TOPAZ1: variants seen among roughly 807,000 people sequenced by gnomAD.
The protein encoded by TOPAZ1 is protein TOPAZ1.
TOPAZ1 carries 66 observed loss-of-function variants against 172.2 expected under a neutral mutation model. That is an observed-to-expected ratio of 0.38 (90% CI 0.31 to 0.47). The LOEUF (loss-of-function observed/expected upper bound fraction) is 0.47. TOPAZ1 is among the 20% of genes least tolerant of loss of function. The pLI is 0.99. For missense variants in TOPAZ1, 1,822 were observed against 1,972.4 expected (o/e 0.92, Z 1.44); for synonymous variants, 681 against 683.9 (o/e 1.00, Z 0.07).
chr3:44,302,641 G>C (rs563964278), intron 12 of TOPAZ1, among the ~76,000 whole-genome samples: 2 of 152,032 alleles, frequency 1.3e-5, no homozygotes, highest in Non-Finnish European at 2.9e-5. Context: ...TAGTTTTTCA[G>C]TGTTTTCCTG....
chr3:44,310,074 T>G (rs1430729862), intron 16 of TOPAZ1, 84 bp downstream of exon 16: 2 of 1,259,432 alleles, frequency 1.6e-6, no homozygotes, highest in East Asian at 2.5e-5. Flanking sequence ...AAGTTGATAT[T>G]GAACTGTGGT....
chr3:44,254,957 C>T lies in TOPAZ1; in HGVS notation c.2766-11C>T, dbSNP rs1699679384. On this transcript the variant is annotated splice_polypyrimidine_tract_variant and intron_variant, in intron 2 of 19. Transcript: ENST00000309765. ...TATTATAATGTTTAAGCTCTGTTTGCTTTATAATAGAGAACTTCCTGTACT... is the reference window on the plus strand; with the variant it reads ...TATTATAATGTTTAAGCTCTGTTTGTTTTATAATAGAGAACTTCCTGTACT... The T allele has an allele frequency of 6.5e-7, 1 of 1,544,928 alleles. No homozygotes were observed. The highest frequency in any genetic ancestry group is 1.4e-5 in the African/African-American group (1 of 73,028).
chr3:44,251,886 T>C (rs1699636394), intron 2 of TOPAZ1, among the ~76,000 whole-genome samples: 1 of 152,176 alleles, frequency 6.6e-6, no homozygotes, highest in South Asian at 2.1e-4. Context: ...ATTTCACCAA[T>C]TCAGAACTGT....
chr3:44,328,684 G>C (rs1340011806), intron 19 of TOPAZ1, among the ~76,000 whole-genome samples: 1 of 152,148 alleles, frequency 6.6e-6, no homozygotes, highest in East Asian at 1.9e-4. Context: ...CAGAGATATA[G>C]TTAGATGTTC....
chr3:44,292,916 T>C (rs944774315), intron 12 of TOPAZ1, among the ~76,000 whole-genome samples: 1 of 152,202 alleles, frequency 6.6e-6, no homozygotes, highest in African/African-American at 2.4e-5. Context: ...TATTTTACAG[T>C]ATATAACTTT....
intron 16 of TOPAZ1, among the ~76,000 whole-genome samples, chr3:44,316,796 CA>C (rs1164054383): frequency 1.3e-5 from 2 of 152,064 alleles, no homozygotes; most frequent in African/African-American, 4.8e-5. Flanking sequence ...TTTATTTCCC[CA>C]AAATGTTTTC....
chr3:44,271,214 T>C (rs982687227), intron 8 of TOPAZ1, among the ~76,000 whole-genome samples: 12 of 152,206 alleles, frequency 7.9e-5, no homozygotes, highest in Non-Finnish European at 4.4e-5. Context: ...TCAGCCCTAG[T>C]AGATAACAGC....
chr3:44,297,015 T>C (rs1700206657), intron 12 of TOPAZ1, among the ~76,000 whole-genome samples: 1 of 151,366 alleles, frequency 6.6e-6, no homozygotes, highest in African/African-American at 2.4e-5. Context: ...CTACTAAAAA[T>C]ACAAAATTAG....
intron 13 of TOPAZ1, 38 bp downstream of exon 13, chr3:44,304,119 T>A: frequency 8.1e-7 from 1 of 1,232,236 alleles, no homozygotes; most frequent in South Asian, 1.5e-5. Context: ...TGCTGGGATC[T>A]CTGAAAATCA....
chr3:44,257,409 CTATTTTATATATT>C (rs1699723424), intron 4 of TOPAZ1, among the ~76,000 whole-genome samples: 1 of 74,038 alleles, frequency 1.4e-5, no homozygotes, highest in African/African-American at 4.9e-5. Context: ...GTGTGTGTGT[CTATTTTATATATT>C]TTATATATAT....
chr3:44,259,606 A>G (rs1461899545), intron 4 of TOPAZ1, among the ~76,000 whole-genome samples: 1 of 152,184 alleles, frequency 6.6e-6, no homozygotes, highest in Non-Finnish European at 1.5e-5. Context: ...AGCATAAGGC[A>G]TTTTGCATAT....
At chr3:44,327,021 G>T (rs765314653) in intron 18 of TOPAZ1, among the ~76,000 whole-genome samples, 2 of 152,182 alleles carry the variant, frequency 1.3e-5, no homozygotes, top group Non-Finnish European at 2.9e-5. Flanking sequence ...ACCTAGGGAG[G>T]TGGGAATACC....
At position 44,315,533 on chromosome 3, in the gene TOPAZ1, A is replaced by ATTT. The variant is rs369669969; in HGVS notation, c.4307-5477_4307-5475dup. On this transcript the variant is annotated intron_variant, in intron 16 of 19. Transcript: ENST00000309765. ...CAGGTGTGCACCACCACGTCTGGCT[A>ATTT]TTTTTTTTTTTTTTTTTTTAGTAGG... Among the ~76,000 whole-genome samples, 161 of 128,892 alleles carry ATTT rather than the reference A, an allele frequency of 1.2e-3. 6 individuals carry two copies. Among genetic ancestry groups the ATTT allele is most frequent in the South Asian group, 3.7e-3 (15 of 4,068 alleles). 84.6% of individuals were successfully genotyped at this position (128,892 alleles called of 152,430 possible).
chr3:44,291,852 T>G (rs1363358710), intron 12 of TOPAZ1, among the ~76,000 whole-genome samples: 1 of 152,192 alleles, frequency 6.6e-6, no homozygotes, highest in Non-Finnish European at 1.5e-5. Context: ...ATATGGAGCT[T>G]CCATCGCTAT....
intron 12 of TOPAZ1, among the ~76,000 whole-genome samples, chr3:44,298,127 T>G (rs1700220160): frequency 6.6e-6 from 1 of 152,066 alleles, no homozygotes; most frequent in African/African-American, 2.4e-5. Flanking sequence ...ATTCTAAAAT[T>G]TATGTGCAAA....
intron 5 of TOPAZ1, among the ~76,000 whole-genome samples, chr3:44,265,776 A>C (rs564133046): frequency 8.5e-5 from 13 of 152,296 alleles, no homozygotes; most frequent in African/African-American, 2.9e-4. Context: ...GCACAGAAAG[A>C]ATAGATTTAG....
At chr3:44,298,402 G>A (rs1700223598) in intron 12 of TOPAZ1, among the ~76,000 whole-genome samples, 1 of 152,126 alleles carries the variant, frequency 6.6e-6, no homozygotes, top group African/African-American at 2.4e-5. Context: ...AGGCTGCAAT[G>A]AGCCGTGATT....
chr3:44,244,757 G>A lies in TOPAZ1; in HGVS notation c.2251G>A (p.Val751Ile), dbSNP rs1483771549. 6.4e-7 allele frequency: 1 copy of A among 1,551,562 alleles called. No individual in the cohort carries two copies. The highest frequency in any genetic ancestry group is 8.7e-7 in the Non-Finnish European group (1 of 1,146,974). The part of the protein sequence containing the change: ...GPQTLSIRNS[V>I]TPVQASSDSF... ...TCAAACTTTGAGCATACGAAATAGT[G>A]TAACTCCAGTGCAAGCTAGTTCTGA... The change falls in exon 2 of 20, where the codon GTA becomes ATA. Residue 751 changes from valine to isoleucine, a missense_variant. By Grantham distance (29) the Val-to-Ile change is conservative. Around this residue, in one of 2 missense-constraint regions of TOPAZ1, gnomAD observed 1,489 missense variants for 1,490.8 expected, o/e 1.00. Coordinates refer to ENST00000309765, the MANE Select transcript of TOPAZ1 (RefSeq NM_001145030.2).
chr3:44,280,637 C>G (rs1026053901), intron 8 of TOPAZ1, among the ~76,000 whole-genome samples: 2 of 152,302 alleles, frequency 1.3e-5, no homozygotes, highest in African/African-American at 4.8e-5. Flanking sequence ...CTGCTGTACC[C>G]AGCCTGTTCT....
Sources: gnomAD v4.1 joint callset for allele counts (sites outside exome capture counted in the v4.1 genomes callset) on GRCh38, gnomAD v4.1.1 for gene constraint, gnomAD v4.1.1 regional missense constraint, MANE v1.5 for transcripts, NCBI Gene and HGNC (gene_info 2026-07-23, HGNC 2026-07-21) for gene names.